The following PPM1G variants were observed in gnomAD, a reference collection of about 807,000 sequenced individuals.
PPM1G encodes protein phosphatase 1G.
Under a neutral mutation model 59.4 loss-of-function variants are expected in PPM1G, and 12 were observed. The ratio of observed to expected loss-of-function variants is 0.20; its 90% CI spans 0.13 to 0.33. The LOEUF is 0.33. Ranked by LOEUF, PPM1G falls within the 10% of genes least tolerant of loss-of-function variation. The pLI is 1.00. For missense variants in PPM1G, 392 were observed against 681.3 expected (o/e 0.58, Z 4.73); for synonymous variants, 245 against 251.9 (o/e 0.97, Z 0.26).
chr2:27,390,101 C>T (rs147192086), intron 1 of PPM1G, among the ~76,000 whole-genome samples: 329 of 152,182 alleles, frequency 2.2e-3, no homozygotes, highest in Non-Finnish European at 3.5e-3. Flanking sequence ...ACCATATCCT[C>T]CACTTTCCAG....
rs1359243195 is a variant in PPM1G at position 27,381,438 on chromosome 2, G to C, written c.*161C>G. 2 of 731,522 alleles carry C rather than the reference G, an allele frequency of 2.7e-6. No homozygotes were observed. The highest frequency in any genetic ancestry group is 5.4e-5 in the East Asian group (2 of 37,222). 45.3% of individuals were successfully genotyped at this position (731,522 alleles called of 1,614,324 possible). A position where few individuals can be genotyped will look rare whatever the true frequency, so the allele number is the denominator to read the frequency against. On this transcript the variant is annotated 3_prime_UTR_variant, in exon 10 of 10. Transcript: ENST00000344034. ...AGGACAGCAGAGGCTCCCGGCTGCA[G>C]TGTGGAGGGAGAGCCCTCTTTGGAA...
rs1170462481 is a variant in PPM1G at position 27,382,713 on chromosome 2, T to C, written c.1202-108A>G. ...TTCCCTTCTTTACAAAGTTCCATAA[T>C]CTAGTGGAATGGGGAACTGAGTCCT... On this transcript the variant is annotated intron_variant, in intron 7 of 9. Transcript: ENST00000344034. The surrounding 1 kb of genome is among the most constrained non-coding windows in gnomAD (Gnocchi z 4.2). 45 of 1,394,068 alleles carry C rather than the reference T, an allele frequency of 3.2e-5. No individual in the cohort carries two copies. The East Asian group carries it at 9.2e-4, about 28-fold the overall frequency. 86.4% of individuals were successfully genotyped at this position (1,394,068 alleles called of 1,614,324 possible). A position where few individuals can be genotyped will look rare whatever the true frequency, so the allele number is the denominator to read the frequency against.
intron 1 of PPM1G, among the ~76,000 whole-genome samples, chr2:27,406,668 C>T (rs145390050): frequency 2.6e-5 from 4 of 152,242 alleles, no homozygotes; most frequent in African/African-American, 9.6e-5. Flanking sequence ...AAATGCCCTA[C>T]AGAGAAGCAG....
Position 27,382,693 on chromosome 2 carries a change from T to G in PPM1G, c.1202-88A>C. 2 of 1,523,304 alleles carry G rather than the reference T, an allele frequency of 1.3e-6. No homozygotes were observed. The highest frequency in any genetic ancestry group is 1.8e-6 in the Non-Finnish European group (2 of 1,111,940). 94.4% of individuals were successfully genotyped at this position (1,523,304 alleles called of 1,614,324 possible). A position where few individuals can be genotyped will look rare whatever the true frequency, so the allele number is the denominator to read the frequency against. ...GGTCAAACCTTGCCATTCATTTCCC[T>G]TCTTTACAAAGTTCCATAATCTAGT... is the stretch of plus-strand genomic sequence containing the variant. On this transcript the variant is annotated intron_variant, in intron 7 of 9. Transcript: ENST00000344034. This position sits in a 1 kb window ranked among gnomAD's most constrained non-coding sequence, Gnocchi z 4.2.
chr2:27,384,161 G>A lies in PPM1G; in HGVS notation c.826-69C>T, dbSNP rs1683707455. 1 of 1,604,810 alleles carries A rather than the reference G, an allele frequency of 6.2e-7. No individual in the cohort carries two copies. Among genetic ancestry groups the A allele is most frequent in the Non-Finnish European group, 8.5e-7 (1 of 1,175,904 alleles). ...CCTCCCTCCCCACAGCTCATACTCA[G>A]AATCAAGAGGTCCTGACTGAACACA... On this transcript the variant is annotated intron_variant, in intron 5 of 9. Coordinates refer to ENST00000344034, the MANE Select transcript of PPM1G (RefSeq NM_177983.3). The surrounding 1 kb of genome is among the most constrained non-coding windows in gnomAD (Gnocchi z 4.8).
chr2:27,402,138 G>T (rs75855890), intron 1 of PPM1G, among the ~76,000 whole-genome samples: 56,620 of 151,564 alleles, frequency 0.37, 10,860 homozygotes, highest in Admixed American at 0.44. Flanking sequence ...GGAAAAAAAA[G>T]TTGATATACT....
At chr2:27,403,150 A>T (rs4665975) in intron 1 of PPM1G, among the ~76,000 whole-genome samples, 52,401 of 152,066 alleles carry the variant, frequency 0.34, 9,618 homozygotes, top group Admixed American at 0.43. Flanking sequence ...TAAATAATTT[A>T]AAAAATAAAA....
chr2:27,395,251 G>A (rs55674512), intron 1 of PPM1G, among the ~76,000 whole-genome samples: 47,485 of 125,420 alleles, frequency 0.38, 9,884 homozygotes, highest in African/African-American at 0.5. Flanking sequence ...AAAAAAAAAA[G>A]AAAGAAAGAA....
chr2:27,392,619 G>GC (rs1572664344), intron 1 of PPM1G, among the ~76,000 whole-genome samples: 1 of 149,654 alleles, frequency 6.7e-6, no homozygotes, highest in East Asian at 2.0e-4. Flanking sequence ...TTTGGGGGGG[G>GC]GGAGGGTACC....
rs1683708741 is a variant in PPM1G at position 27,384,214 on chromosome 2, T to G, written c.826-122A>C. ...TCCTCAAAACACTGAAAGATACAAG[T>G]ATATGGTCATGAAAATTGGGGGGAT... On this transcript the variant is annotated intron_variant, in intron 5 of 9. Transcript: ENST00000344034. This position sits in a 1 kb window ranked among gnomAD's most constrained non-coding sequence, Gnocchi z 4.8. 1 of 1,480,296 alleles carries G rather than the reference T, an allele frequency of 6.8e-7. No individual in the cohort carries two copies. Among genetic ancestry groups the G allele is most frequent in the African/African-American group, 1.4e-5 (1 of 71,490 alleles). 91.7% of individuals were successfully genotyped at this position (1,480,296 alleles called of 1,614,324 possible). A position where few individuals can be genotyped will look rare whatever the true frequency, so the allele number is the denominator to read the frequency against.
At position 27,383,313 on chromosome 2, in the gene PPM1G, T is replaced by G; in HGVS notation, c.1201+53A>C. 6.5e-7 allele frequency: 1 copy of G among 1,541,284 alleles called. No individual in the cohort carries two copies. Among genetic ancestry groups the G allele is most frequent in the Non-Finnish European group, 9.0e-7 (1 of 1,116,166 alleles). ...AAGATTAAAGTTTGCTACTAGGTAGTCTGGGACAGAGAGAAAGACCCTAGA... is the reference window on the plus strand; with the variant it reads ...AAGATTAAAGTTTGCTACTAGGTAGGCTGGGACAGAGAGAAAGACCCTAGA... On this transcript the variant is annotated intron_variant, in intron 7 of 9. Coordinates refer to ENST00000344034, the MANE Select transcript of PPM1G (RefSeq NM_177983.3). The surrounding 1 kb of genome is among the most constrained non-coding windows in gnomAD (Gnocchi z 5.0).
intron 1 of PPM1G, among the ~76,000 whole-genome samples, chr2:27,404,947 GAAAAA>G (rs527530570): frequency 1.6e-5 from 1 of 61,338 alleles, no homozygotes; most frequent in Non-Finnish European, 3.3e-5. Context: ...CCGTCTCGGA[GAAAAA>G]AAAAAAAAAA....
At position 27,393,415 on chromosome 2, in the gene PPM1G, G is replaced by A; in HGVS notation, c.121-6257C>T. 4.9e-6 allele frequency: 6 copies of A among 1,225,766 alleles called. No individual in the cohort carries two copies. The South Asian group carries it at 7.4e-5, about 15-fold the overall frequency. The allele number at this position is 1,225,766 out of a possible 1,614,324, so 75.9% of individuals were successfully genotyped here. A position where few individuals can be genotyped will look rare whatever the true frequency, so the allele number is the denominator to read the frequency against. ...CGGCAGCGGCAGTGGTGGCTACGCG[G>A]CGCTGGAGCTGCGGCGGGGGCCTTG... On this transcript the variant is annotated intron_variant, in intron 1 of 9. Transcript: ENST00000344034.
chr2:27,404,793 A>C (rs1050746841), intron 1 of PPM1G, among the ~76,000 whole-genome samples: 14 of 150,362 alleles, frequency 9.3e-5, no homozygotes, highest in Non-Finnish European at 1.8e-4. Context: ...AAATACAAAA[A>C]ATTAGCCGGG....
intron 1 of PPM1G, among the ~76,000 whole-genome samples, chr2:27,388,089 C>T (rs933106669): frequency 1.3e-5 from 2 of 151,848 alleles, no homozygotes; most frequent in African/African-American, 4.8e-5. Flanking sequence ...TGAGCCACCG[C>T]GCCCGGCCTA....
At chr2:27,403,601 T>C (rs982387205) in intron 1 of PPM1G, among the ~76,000 whole-genome samples, 2 of 151,096 alleles carry the variant, frequency 1.3e-5, no homozygotes, top group Non-Finnish European at 3.0e-5. Context: ...GACAAAGAAA[T>C]TCTGGCCAGG....
chr2:27,399,337 C>T (rs1254201554), intron 1 of PPM1G, among the ~76,000 whole-genome samples: 1 of 152,136 alleles, frequency 6.6e-6, no homozygotes, highest in Non-Finnish European at 1.5e-5. Flanking sequence ...ACAGACATTT[C>T]TCCAAAGAAG....
Position 27,381,823 on chromosome 2 carries a change from G to T in PPM1G, c.1435-18C>A. ...TCCAGCAGCTAAGAAAGGGATGGGGGTAGCTCAGCCACAGGGTTTGAACAC... is the reference window on the plus strand; with the variant it reads ...TCCAGCAGCTAAGAAAGGGATGGGGTTAGCTCAGCCACAGGGTTTGAACAC... On this transcript the variant is annotated intron_variant, in intron 9 of 9. Coordinates refer to ENST00000344034, the MANE Select transcript of PPM1G (RefSeq NM_177983.3). 6.2e-7 allele frequency: 1 copy of T among 1,610,658 alleles called. No individual in the cohort carries two copies. Among genetic ancestry groups the T allele is most frequent in the South Asian group, 1.1e-5 (1 of 90,954 alleles).
chr2:27,408,244 C>T (rs903667669), intron 1 of PPM1G, among the ~76,000 whole-genome samples: 9 of 152,126 alleles, frequency 5.9e-5, no homozygotes, highest in African/African-American at 1.7e-4. Context: ...TGAAACAATT[C>T]CCAAGGGAGA....
Sources: gnomAD v4.1 joint callset for allele counts (sites outside exome capture counted in the v4.1 genomes callset) on GRCh38, gnomAD v4.1.1 for gene constraint, Gnocchi (gnomAD v3.1) non-coding constraint, MANE v1.5 for transcripts, NCBI Gene and HGNC (gene_info 2026-07-23, HGNC 2026-07-21) for gene names.